Variants in TFDP2 observed in about 807,000 individuals in gnomAD.
TFDP2 encodes the protein transcription factor Dp-2 (E2F dimerization partner 2).
Under a neutral mutation model 59.3 loss-of-function variants are expected in TFDP2, and 17 were observed. The observed-to-expected ratio is 0.29, with a 90% CI of 0.20 to 0.43. The LOEUF (loss-of-function observed/expected upper bound fraction) is 0.43, where lower values mean the gene tolerates loss of function less well. Ranked by LOEUF, TFDP2 falls within the 20% of genes least tolerant of loss-of-function variation. The pLI is 1.00. For synonymous variants in TFDP2, 180 were observed against 194.7 expected, an observed-to-expected ratio of 0.92 and a Z score of 0.63; for missense variants, 391 against 528.8, an observed-to-expected ratio of 0.74 and a Z score of 2.56.
At chr3:141,978,916 A>T (rs921432246) in intron 6 of TFDP2, among the ~76,000 whole-genome samples, 7 of 152,248 alleles carry the variant, frequency 4.6e-5, no homozygotes, top group African/African-American at 1.7e-4. Context: ...TTCAACAAAT[A>T]TTTATTGACC....
At chr3:142,126,339 C>T (rs919042585) in intron 1 of TFDP2, 1 of 151,958 alleles carries the variant, frequency 6.6e-6, no homozygotes, top group African/African-American at 2.4e-5. Context: ...GATTTTATTA[C>T]AGAAACAACA....
At chr3:141,993,219 A>C (rs1942955472) in intron 6 of TFDP2, among the ~76,000 whole-genome samples, 1 of 152,104 alleles carries the variant, frequency 6.6e-6, no homozygotes, top group South Asian at 2.1e-4. Flanking sequence ...AAAAAAGAAA[A>C]AATTGTTAAA....
chr3:142,022,634 A>G (rs1276452081), intron 3 of TFDP2, among the ~76,000 whole-genome samples: 2 of 152,200 alleles, frequency 1.3e-5, no homozygotes, highest in Admixed American at 6.5e-5. Flanking sequence ...TGCAACCACA[A>G]GGATCAGAAT....
rs1212812694 is a variant in TFDP2 at position 141,968,426 on chromosome 3, ATATATAG to A, written c.732+1640_732+1646del. On this transcript the variant is annotated intron_variant, in intron 9 of 12. Coordinates refer to ENST00000489671, the MANE Select transcript of TFDP2 (RefSeq NM_001178139.2). ...ATCATATATATAACATATATATCTC[ATATATAG>A]ATATATATAACATATATATCTCATA... Among the ~76,000 whole-genome samples the A allele has an allele frequency of 1.1e-4, 8 of 74,428 alleles. 1 individual carries two copies. The highest frequency in any genetic ancestry group is 4.0e-4 in the African/African-American group (8 of 19,918). 48.8% of individuals were successfully genotyped at this position (74,428 alleles called of 152,430 possible).
At position 141,973,093 on chromosome 3, in the gene TFDP2, G is replaced by GTATATATATATA. The variant is rs1553761666; in HGVS notation, c.663+943_663+954dup. Reference sequence around the variant, plus strand: ...TCTTAATTATCTCCCAAAGCTATGTGTATATATATATATATATATATATAT... The same window carrying GTATATATATATA: ...TCTTAATTATCTCCCAAAGCTATGTGTATATATATATATATATATATATATATATATATATAT... On this transcript the variant is annotated intron_variant, in intron 8 of 12. Coordinates refer to ENST00000489671, the MANE Select transcript of TFDP2 (RefSeq NM_001178139.2). Among the ~76,000 whole-genome samples the GTATATATATATA allele has an allele frequency of 1.6e-3, 169 of 103,102 alleles. 1 individual carries two copies. The highest frequency in any genetic ancestry group is 4.2e-3 in the East Asian group (15 of 3,550). 67.6% of individuals were successfully genotyped at this position (103,102 alleles called of 152,430 possible). A position where few individuals can be genotyped will look rare whatever the true frequency, so the allele number is the denominator to read the frequency against.
intron 3 of TFDP2, chr3:142,028,768 C>T: frequency 6.3e-6 from 6 of 951,388 alleles, no homozygotes; most frequent in South Asian, 4.9e-5. Flanking sequence ...TTTCAAAAGA[C>T]ATATGAATAC....
intron 1 of TFDP2, among the ~76,000 whole-genome samples, chr3:142,111,427 C>CAAAA (rs80110477): frequency 2.8e-4 from 17 of 60,054 alleles, no homozygotes; most frequent in South Asian, 6.6e-4. Context: ...GACTCTGTCT[C>CAAAA]AAAAAAAAAA....
intron 6 of TFDP2, among the ~76,000 whole-genome samples, chr3:141,979,255 T>C (rs1426084340): frequency 6.6e-6 from 1 of 152,244 alleles, no homozygotes; most frequent in Non-Finnish European, 1.5e-5. Flanking sequence ...CCTACTGCTC[T>C]GCCAGTCCTA....
chr3:141,961,793 T>C (rs142538772), intron 10 of TFDP2, among the ~76,000 whole-genome samples: 2 of 152,234 alleles, frequency 1.3e-5, no homozygotes, highest in Non-Finnish European at 2.9e-5. Flanking sequence ...TCAGCTTTAG[T>C]TGGCCAAGGA....
chr3:142,049,507 A>C (rs147496785), intron 3 of TFDP2, among the ~76,000 whole-genome samples: 4 of 152,360 alleles, frequency 2.6e-5, no homozygotes, highest in Admixed American at 6.5e-5. Flanking sequence ...CCATAGCTAA[A>C]AATCATACTT....
chr3:142,106,789 A>C (rs934930754), intron 1 of TFDP2, among the ~76,000 whole-genome samples: 31 of 152,332 alleles, frequency 2.0e-4, no homozygotes, highest in East Asian at 7.7e-4. Context: ...GTTTCAGACA[A>C]TGCAACTCCC....
At chr3:142,095,079 G>A (rs1374653160) in intron 2 of TFDP2, among the ~76,000 whole-genome samples, 3 of 150,884 alleles carry the variant, frequency 2.0e-5, no homozygotes, top group South Asian at 2.1e-4. Flanking sequence ...TAACCTCTGC[G>A]TCCCGGGTTC....
intron 1 of TFDP2, among the ~76,000 whole-genome samples, chr3:142,139,630 TA>T (rs2062863071): frequency 6.6e-6 from 1 of 152,210 alleles, no homozygotes; most frequent in Non-Finnish European, 1.5e-5. Flanking sequence ...TTATGAAGCT[TA>T]GTTTGGCTGG....
At chr3:142,002,306 T>A (rs1046965159) in intron 4 of TFDP2, among the ~76,000 whole-genome samples, 3 of 149,582 alleles carry the variant, frequency 2.0e-5, no homozygotes, top group Admixed American at 1.3e-4. Flanking sequence ...AGCTAATTTT[T>A]TATTTTTAGT....
In TFDP2 at chr3:141,993,690, CAA is replaced by C. The variant is rs935989255; in HGVS notation, c.309-107_309-106del. Reference sequence around the variant, plus strand: ...TCTAAAATTATACACTGAATATATTCAAAGACTAAAACTAGCAAATACAAAAG... The same window carrying C: ...TCTAAAATTATACACTGAATATATTCAGACTAAAACTAGCAAATACAAAAG... On this transcript the variant is annotated intron_variant, in intron 5 of 12. Coordinates refer to ENST00000489671, the MANE Select transcript of TFDP2 (RefSeq NM_001178139.2). 9 of 570,870 alleles carry C rather than the reference CAA, an allele frequency of 1.6e-5. No individual in the cohort carries two copies. The African/African-American group carries it at 1.8e-4, about 11-fold the overall frequency. The allele number at this position is 570,870 out of a possible 1,614,324, so 35.4% of individuals were successfully genotyped here.
At chr3:142,038,878 T>G (rs2108440146) in intron 3 of TFDP2, among the ~76,000 whole-genome samples, 1 of 152,344 alleles carries the variant, frequency 6.6e-6, no homozygotes, top group Middle Eastern at 3.4e-3. Context: ...CTTTCAATTT[T>G]TCATTATTAT....
At chr3:142,034,345 C>A (rs1236969628) in intron 3 of TFDP2, among the ~76,000 whole-genome samples, 1 of 151,948 alleles carries the variant, frequency 6.6e-6, no homozygotes, top group Non-Finnish European at 1.5e-5. Flanking sequence ...GTGATCCGCC[C>A]ACCTCGGCCT....
At chr3:142,062,120 A>G (rs1035756797) in intron 3 of TFDP2, among the ~76,000 whole-genome samples, 1 of 151,890 alleles carries the variant, frequency 6.6e-6, no homozygotes, top group African/African-American at 2.4e-5. Context: ...CTTACACTTA[A>G]TGAATGGTAC....
intron 8 of TFDP2, among the ~76,000 whole-genome samples, chr3:141,973,093 GTATATATATA>G (rs1553761666): frequency 2.0e-4 from 21 of 103,170 alleles, no homozygotes; most frequent in East Asian, 2.8e-4. Flanking sequence ...AAAGCTATGT[GTATATATATA>G]TATATATATA....
Sources: allele counts gnomAD v4.1 joint callset (sites outside exome capture counted in the v4.1 genomes callset), GRCh38; gene constraint gnomAD v4.1.1; transcripts MANE v1.5; gene names NCBI Gene and HGNC (gene_info 2026-07-23, HGNC 2026-07-21).